Variants in SLC7A2 observed in about 807,000 individuals in gnomAD.
SLC7A2 encodes solute carrier family 7 member 2.
In SLC7A2, 48 loss-of-function variants were observed where a neutral mutation model predicts 58.9. That is an observed-to-expected ratio of 0.82 (90% CI 0.65 to 1.04). The LOEUF is 1.04. Ranked by LOEUF, SLC7A2 falls within the 50% of genes least tolerant of loss-of-function variation. The pLI is 0.00. For synonymous variants in SLC7A2, 363 were observed against 314.5 expected (o/e 1.15, Z -1.63); for missense variants, 1,029 against 818.8 (o/e 1.26, Z -3.13).
At chr8:17,528,576 G>T (rs1220006432) in intron 2 of SLC7A2, among the ~76,000 whole-genome samples, 1 of 151,996 alleles carries the variant, frequency 6.6e-6, no homozygotes, top group Non-Finnish European at 1.5e-5. Context: ...ACGGGGTTTT[G>T]CTCTGTCGTT....
chr8:17,549,486 A>G lies in SLC7A2; in HGVS notation c.698+643A>G, dbSNP rs1802343543. ...AGGGAAAGAGCAAGGGAAGATCCTA[A>G]CCATTGGAAAAACTTGATCTTTTCC... On this transcript the variant is annotated intron_variant, in intron 5 of 12. Coordinates refer to ENST00000494857, the MANE Select transcript of SLC7A2 (RefSeq NM_001370338.1). Among the ~76,000 whole-genome samples the G allele has an allele frequency of 3.3e-5, 5 of 152,280 alleles. No individual in the cohort carries two copies. In the South Asian group the frequency reaches 1.0e-3, roughly 32 times the overall value.
intron 2 of SLC7A2, 87 bp from the exon 3 acceptor site, chr8:17,543,231 C>T (rs922033912): frequency 9.2e-6 from 11 of 1,195,416 alleles, no homozygotes; most frequent in Admixed American, 2.2e-5. Flanking sequence ...CACACACACA[C>T]ATACTCTAAT....
In SLC7A2 at chr8:17,497,106, C is replaced by G. The variant is rs1318249252; in HGVS notation, c.-200C>G. 1 of 151,432 alleles carries G rather than the reference C, an allele frequency of 6.6e-6. No homozygotes were observed. Among genetic ancestry groups the G allele is most frequent in the African/African-American group, 2.4e-5 (1 of 41,490 alleles). 9.4% of individuals were successfully genotyped at this position (151,432 alleles called of 1,614,324 possible). ...CCCAGCCCTCCTTCTGCAGCGCGGCCGGCGGGCGCTCCTCTTCGCGGGACC... is the reference window on the plus strand; with the variant it reads ...CCCAGCCCTCCTTCTGCAGCGCGGCGGGCGGGCGCTCCTCTTCGCGGGACC... On this transcript the variant is annotated 5_prime_UTR_variant, in exon 1 of 13. Transcript: ENST00000494857.
At chr8:17,506,944 G>T (rs1295099490) in intron 2 of SLC7A2, among the ~76,000 whole-genome samples, 1 of 132,620 alleles carries the variant, frequency 7.5e-6, no homozygotes, top group Non-Finnish European at 1.6e-5. Context: ...CTTATTTGTG[G>T]AATTTTTTTT....
chr8:17,516,612 C>T (rs1800814176), intron 2 of SLC7A2, among the ~76,000 whole-genome samples: 1 of 152,206 alleles, frequency 6.6e-6, no homozygotes, highest in African/African-American at 2.4e-5. Flanking sequence ...AGATTATTAG[C>T]TAGCTCAGGG....
intron 9 of SLC7A2, among the ~76,000 whole-genome samples, chr8:17,559,230 C>G (rs1802847949): frequency 6.6e-6 from 1 of 152,158 alleles, no homozygotes. Context: ...TTAGTCCATT[C>G]TCGTGCTGCT....
chr8:17,503,204 C>G (rs1800234998), intron 2 of SLC7A2, among the ~76,000 whole-genome samples: 1 of 152,120 alleles, frequency 6.6e-6, no homozygotes, highest in African/African-American at 2.4e-5. Context: ...GCGCCCGCCA[C>G]CACGCCCGGC....
upstream of SLC7A2, among the ~76,000 whole-genome samples, chr8:17,496,847 G>C (rs1015681106): frequency 2.6e-5 from 4 of 151,970 alleles, no homozygotes; most frequent in African/African-American, 7.2e-5. Context: ...TCTCTTCCCC[G>C]GCCCGCGCCC....
At chr8:17,545,449 C>T (rs1010900197) in intron 4 of SLC7A2, among the ~76,000 whole-genome samples, 4 of 119,066 alleles carry the variant, frequency 3.4e-5, no homozygotes, top group African/African-American at 6.7e-5. Context: ...CTGACTCTGT[C>T]GCCCAGGCTG....
intron 2 of SLC7A2, among the ~76,000 whole-genome samples, chr8:17,542,657 A>AAAAAAAAAAAAAAAAAAAG (rs78569276): frequency 1.3e-5 from 2 of 150,058 alleles, no homozygotes. Flanking sequence ...TCTCAAAAAA[A>AAAAAAAAAAAAAAAAAAAG]AAAGAAAAAG....
intron 2 of SLC7A2, among the ~76,000 whole-genome samples, chr8:17,542,025 G>T (rs1454967229): frequency 1.3e-5 from 2 of 151,976 alleles, no homozygotes; most frequent in Admixed American, 6.6e-5. Flanking sequence ...ATGGACTTTG[G>T]ACTTATTTAT....
intron 2 of SLC7A2, 117 bp from the exon 3 acceptor site, chr8:17,543,201 C>G (rs868801466): frequency 5.5e-6 from 5 of 915,760 alleles, no homozygotes; most frequent in Non-Finnish European, 8.2e-6. Context: ...CACACACACA[C>G]ACACACACAC....
rs1368734789 is a variant in SLC7A2 at position 17,544,590 on chromosome 8, T to C, written c.516T>C (p.Leu172=). ...AEYPDFFAVC[L]ILLLAGLLSF... Reference sequence around the variant, plus strand: ...ATCCCGATTTTTTTGCTGTGTGCCTTATATTACTTCTAGCAGGTAAGAAAA... The same window carrying C: ...ATCCCGATTTTTTTGCTGTGTGCCTCATATTACTTCTAGCAGGTAAGAAAA... The change falls in exon 4 of 13, where the codon CTT becomes CTC. Residue 172 remains leucine (L), a synonymous_variant. Transcript: ENST00000494857. 2.5e-6 allele frequency: 4 copies of C among 1,613,932 alleles called. No individual in the cohort carries two copies. The highest frequency in any genetic ancestry group is 2.5e-6 in the Non-Finnish European group (3 of 1,179,876).
At chr8:17,496,394 G>A (rs1189825352), upstream of SLC7A2, among the ~76,000 whole-genome samples, 1 of 152,100 alleles carries the variant, frequency 6.6e-6, no homozygotes, top group East Asian at 1.9e-4. Context: ...TGCGTGTTTT[G>A]CTTCGTTTTG....
At chr8:17,560,590 C>A in intron 10 of SLC7A2, 57 bp downstream of exon 10, 2 of 1,424,464 alleles carry the variant, frequency 1.4e-6, no homozygotes, top group Non-Finnish European at 2.0e-6. Context: ...GTGAGTAGAG[C>A]TGGCATGATA....
chr8:17,538,675 C>A (rs1801776715), intron 2 of SLC7A2: 2 of 749,666 alleles, frequency 2.7e-6, no homozygotes, highest in Non-Finnish European at 4.1e-6. Flanking sequence ...ATTGTAGAAA[C>A]GTTGGGTTTG....
intron 1 of SLC7A2, among the ~76,000 whole-genome samples, chr8:17,497,588 G>C (rs2150629834): frequency 6.6e-6 from 1 of 152,324 alleles, no homozygotes; most frequent in Non-Finnish European, 1.5e-5. Flanking sequence ...GCGACTTCGC[G>C]GGGACCCTTC....
Position 17,560,405 on chromosome 8 carries a change from C to T in SLC7A2, c.1376C>T (p.Thr459Ile), listed in dbSNP as rs371563333. 3.7e-6 allele frequency: 6 copies of T among 1,613,998 alleles called. No homozygotes were observed. The highest frequency in any genetic ancestry group is 5.1e-6 in the Non-Finnish European group (6 of 1,179,976). ...GGTCTGGGATCGTCTCCCAGGGTAA[C>T]CTCGAAGAGTGAGTCCCAGGTCACC... ...KDGLGSSPRV[T>I]SKSESQVTML... Residue 459 changes from threonine to isoleucine, a missense_variant, in exon 10 of 13, where the codon ACC (threonine) becomes ATC (isoleucine). By Grantham distance (89) the Thr-to-Ile change is moderately conservative (BLOSUM62 -1). Transcript: ENST00000494857.
At chr8:17,552,266 A>G (rs1585254918) in intron 7 of SLC7A2, among the ~76,000 whole-genome samples, 2 of 150,232 alleles carry the variant, frequency 1.3e-5, no homozygotes, top group Admixed American at 6.6e-5. Flanking sequence ...CACACACACA[A>G]ATATATCTGT....
Sources: allele counts gnomAD v4.1 joint callset (sites outside exome capture counted in the v4.1 genomes callset), GRCh38; gene constraint gnomAD v4.1.1; transcripts MANE v1.5; gene names NCBI Gene and HGNC (gene_info 2026-07-23, HGNC 2026-07-21).